MGAT4C: variants seen among roughly 807,000 people sequenced by gnomAD.
The protein encoded by MGAT4C is alpha-1,3-mannosyl-glycoprotein 4-beta-N-acetylglucosaminyltransferase C.
In MGAT4C, 19 loss-of-function variants were observed where a neutral mutation model predicts 40.1. The observed-to-expected ratio is 0.47, with a 90% CI of 0.33 to 0.70. The LOEUF (loss-of-function observed/expected upper bound fraction) is 0.70. Ranked by LOEUF, MGAT4C falls within the 30% of genes least tolerant of loss-of-function variation. MGAT4C has a pLI of 0.02. For synonymous variants in MGAT4C, 181 were observed against 187.1 expected (o/e 0.97, Z 0.27); for missense variants, 491 against 563.2 (o/e 0.87, Z 1.30).
intron 1 of MGAT4C, among the ~76,000 whole-genome samples, chr12:86,777,756 T>A (rs769098085): frequency 1.3e-5 from 2 of 152,184 alleles, no homozygotes; most frequent in East Asian, 3.8e-4. Context: ...CCAGAAATTC[T>A]TTGAAGTATG....
intron 3 of MGAT4C, among the ~76,000 whole-genome samples, chr12:86,405,226 G>A (rs964387579): frequency 6.6e-6 from 1 of 151,910 alleles, no homozygotes; most frequent in Non-Finnish European, 1.5e-5. Flanking sequence ...ACTTGAAGAT[G>A]GCATGTTTAT....
intron 2 of MGAT4C, among the ~76,000 whole-genome samples, chr12:86,531,644 T>C (rs1276260916): frequency 1.3e-5 from 2 of 152,028 alleles, no homozygotes; most frequent in East Asian, 3.9e-4. Context: ...ATGAAATCAC[T>C]CTCCACAACA....
intron 4 of MGAT4C, among the ~76,000 whole-genome samples, chr12:86,309,680 G>T (rs2136148885): frequency 6.6e-6 from 1 of 152,294 alleles, no homozygotes; most frequent in South Asian, 2.1e-4. Flanking sequence ...CATTGCAACA[G>T]GTTAGTAAAA....
At chr12:86,420,276 C>T (rs192348436) in intron 3 of MGAT4C, among the ~76,000 whole-genome samples, 39 of 151,892 alleles carry the variant, frequency 2.6e-4, no homozygotes, top group African/African-American at 8.2e-4. Flanking sequence ...CAGTTACTCT[C>T]GAGGCGGGAG....
At chr12:86,072,017 C>A (rs923862340) in intron 1 of MGAT4C, among the ~76,000 whole-genome samples, 1 of 109,402 alleles carries the variant, frequency 9.1e-6, no homozygotes, top group Non-Finnish European at 1.8e-5. Flanking sequence ...GCAGTTAATG[C>A]ATAGGGTTTT....
intron 2 of MGAT4C, among the ~76,000 whole-genome samples, chr12:86,572,198 A>G (rs937551710): frequency 6.6e-6 from 1 of 152,130 alleles, no homozygotes; most frequent in Non-Finnish European, 1.5e-5. Flanking sequence ...TTAAACTAAA[A>G]ATGGGAATAC....
At chr12:86,400,448 G>C (rs1278742105) in intron 3 of MGAT4C, among the ~76,000 whole-genome samples, 1 of 152,134 alleles carries the variant, frequency 6.6e-6, no homozygotes, top group African/African-American at 2.4e-5. Flanking sequence ...TCTCTTTAAA[G>C]AAAGAGGTAG....
intron 4 of MGAT4C, among the ~76,000 whole-genome samples, chr12:86,303,846 G>A (rs1027596236): frequency 2.0e-5 from 3 of 150,190 alleles, no homozygotes; most frequent in Admixed American, 6.6e-5. Flanking sequence ...ACTTTGTTAC[G>A]TTGTGAAAGC....
chr12:86,770,251 G>C (rs1202275417), intron 1 of MGAT4C, among the ~76,000 whole-genome samples: 1 of 150,792 alleles, frequency 6.6e-6, no homozygotes, highest in Non-Finnish European at 1.5e-5. Context: ...ATATGGAGCA[G>C]TGACTGTATT....
chr12:86,141,896 C>T (rs1882888996), intron 1 of MGAT4C, among the ~76,000 whole-genome samples: 1 of 152,104 alleles, frequency 6.6e-6, no homozygotes, highest in Non-Finnish European at 1.5e-5. Context: ...AGAGACCCGA[C>T]AAAAGGAAGC....
Position 85,965,019 on chromosome 12 carries a change from G to A in MGAT4C, c.*14270C>T, listed in dbSNP as rs1883284265. The A allele has an allele frequency of 6.6e-6, 1 of 152,056 alleles. No homozygotes were observed. Among genetic ancestry groups the A allele is most frequent in the South Asian group, 2.1e-4 (1 of 4,826 alleles). 9.4% of individuals were successfully genotyped at this position (152,056 alleles called of 1,614,324 possible). A position where few individuals can be genotyped will look rare whatever the true frequency, so the allele number is the denominator to read the frequency against. On this transcript the variant is annotated 3_prime_UTR_variant, in exon 5 of 5. Coordinates refer to ENST00000611864, the MANE Select transcript of MGAT4C (RefSeq NM_001351288.2). ...ATTCTCTGTCAAATGTGGAGGTCAT[G>A]GATCCTTCTTGGCACCTAAGATTAA...
At chr12:86,382,053 C>T (rs576893554) in intron 3 of MGAT4C, among the ~76,000 whole-genome samples, 1 of 152,208 alleles carries the variant, frequency 6.6e-6, no homozygotes, top group East Asian at 1.9e-4. Flanking sequence ...AATGTGGAAG[C>T]GACTTTGGAA....
chr12:86,829,810 A>C (rs564711031), intron 1 of MGAT4C, among the ~76,000 whole-genome samples: 1 of 150,742 alleles, frequency 6.6e-6, no homozygotes, highest in Non-Finnish European at 1.5e-5. Flanking sequence ...CCTTAAGGTA[A>C]CATTTCAACA....
chr12:86,134,919 A>G (rs755598326), intron 1 of MGAT4C, among the ~76,000 whole-genome samples: 1 of 152,132 alleles, frequency 6.6e-6, no homozygotes, highest in Non-Finnish European at 1.5e-5. Flanking sequence ...TTAGAAAAAG[A>G]AACTTTTCTT....
intron 1 of MGAT4C, among the ~76,000 whole-genome samples, chr12:86,113,062 A>T (rs1410989959): frequency 6.6e-6 from 1 of 151,770 alleles, no homozygotes; most frequent in Non-Finnish European, 1.5e-5. Context: ...AAACAGTGAG[A>T]TCCTGGCCTC....
chr12:85,956,866 T>C lies in MGAT4C; in HGVS notation c.*22423A>G, dbSNP rs1162837505. 2 of 151,408 alleles carry C rather than the reference T, an allele frequency of 1.3e-5. No homozygotes were observed. Among genetic ancestry groups the C allele is most frequent in the African/African-American group, 4.8e-5 (2 of 41,270 alleles). The allele number at this position is 151,408 out of a possible 1,614,324, so 9.4% of individuals were successfully genotyped here. The stretch of plus-strand genomic sequence containing the variant: ...ACCGTGGCCCAAGTAATGTTTGAAG[T>C]AACCTTGCTTGGGAAGCTTTGTTGA... On this transcript the variant is annotated 3_prime_UTR_variant, in exon 5 of 5. Transcript: ENST00000611864.
At chr12:86,425,277 T>G (rs988248995) in intron 3 of MGAT4C, among the ~76,000 whole-genome samples, 3 of 152,068 alleles carry the variant, frequency 2.0e-5, no homozygotes, top group Non-Finnish European at 2.9e-5. Context: ...TCTCCACGAG[T>G]TGAGGGAGGG....
chr12:86,720,077 T>C (rs1245107759), intron 2 of MGAT4C, among the ~76,000 whole-genome samples: 1 of 152,156 alleles, frequency 6.6e-6, no homozygotes, highest in Non-Finnish European at 1.5e-5. Context: ...TGAGAGAGCC[T>C]TGGACTGAGA....
intron 4 of MGAT4C, among the ~76,000 whole-genome samples, chr12:86,316,218 C>A (rs1365874221): frequency 6.6e-6 from 1 of 151,446 alleles, no homozygotes; most frequent in African/African-American, 2.4e-5. Context: ...AAAGAAACAG[C>A]AATGCTGGTG....
Sources: gnomAD v4.1 joint callset for allele counts (sites outside exome capture counted in the v4.1 genomes callset) on GRCh38, gnomAD v4.1.1 for gene constraint, MANE v1.5 for transcripts, NCBI Gene and HGNC (gene_info 2026-07-23, HGNC 2026-07-21) for gene names.